Variants in SLC22A16 observed in about 807,000 individuals in gnomAD.
The protein encoded by SLC22A16 is WUGSC:RG331P03.1.
In SLC22A16, 53 loss-of-function variants were observed where a neutral mutation model predicts 52.9. That is an observed-to-expected ratio of 1.00 (90% confidence interval 0.80 to 1.26). SLC22A16 has a LOEUF of 1.26. Ranked by LOEUF, SLC22A16 falls within the 50% of genes most tolerant of loss-of-function variation. The probability of loss-of-function intolerance (pLI) is 0.00; values close to 1 mark genes in which losing one functional copy is unlikely to be tolerated. For missense variants in SLC22A16, 726 were observed against 704.0 expected, an observed-to-expected ratio of 1.03 and a Z score of -0.35; for synonymous variants, 291 against 268.8, an observed-to-expected ratio of 1.08 and a Z score of -0.81.
At position 110,469,352 on chromosome 6, in the gene SLC22A16, C is replaced by T. The variant is rs148650449; in HGVS notation, c.53+7170G>A. 2.4e-3 allele frequency among the ~76,000 whole-genome samples: 371 copies of T among 152,170 alleles called. 1 individual carries two copies. The highest frequency in any genetic ancestry group is 8.5e-3 in the African/African-American group (353 of 41,514). On this transcript the variant is annotated intron_variant, in intron 1 of 7. Transcript: ENST00000368919. Reference sequence around the variant, plus strand: ...CCAGCCTTGAACTCCTGGTGAAACCCCATCTCTACTATAAATGGTGAAACT... The same window carrying T: ...CCAGCCTTGAACTCCTGGTGAAACCTCATCTCTACTATAAATGGTGAAACT...
intron 5 of SLC22A16, among the ~76,000 whole-genome samples, chr6:110,436,705 A>T (rs1774745574): frequency 6.6e-6 from 1 of 152,196 alleles, no homozygotes; most frequent in African/African-American, 2.4e-5. Flanking sequence ...TGGCTTATAA[A>T]TTATCTTCAG....
intron 1 of SLC22A16, among the ~76,000 whole-genome samples, chr6:110,471,067 C>T (rs990334192): frequency 6.6e-6 from 1 of 152,186 alleles, no homozygotes; most frequent in African/African-American, 2.4e-5. Context: ...CAGCGAAATG[C>T]ATACACAGGT....
chr6:110,468,946 C>T (rs573843655), intron 1 of SLC22A16, among the ~76,000 whole-genome samples: 25 of 152,280 alleles, frequency 1.6e-4, no homozygotes, highest in African/African-American at 5.1e-4. Context: ...GAGCACCTAG[C>T]ATGGCTGGTG....
chr6:110,425,883 C>T (rs1238849588), intron 7 of SLC22A16, among the ~76,000 whole-genome samples: 3 of 152,200 alleles, frequency 2.0e-5, no homozygotes, highest in Non-Finnish European at 4.4e-5. Context: ...ACAATCTGTC[C>T]TTACTTAATT....
At chr6:110,461,547 C>T (rs1353876794) in intron 1 of SLC22A16, among the ~76,000 whole-genome samples, 1 of 151,738 alleles carries the variant, frequency 6.6e-6, no homozygotes, top group African/African-American at 2.4e-5. Flanking sequence ...TGAACTGCAT[C>T]ATCAAACAAA....
At chr6:110,445,202 T>C (rs564117585) in intron 3 of SLC22A16, among the ~76,000 whole-genome samples, 6 of 152,250 alleles carry the variant, frequency 3.9e-5, no homozygotes, top group Admixed American at 3.9e-4. Context: ...CCCTTCAGCC[T>C]CATCAATGCG....
intron 3 of SLC22A16, 71 bp downstream of exon 3, chr6:110,446,802 C>T: frequency 7.3e-7 from 1 of 1,363,968 alleles, no homozygotes; most frequent in South Asian, 1.3e-5. Context: ...CTTAAATGAG[C>T]AAAATGATGA....
Position 110,442,229 on chromosome 6 carries a change from A to G in SLC22A16, c.1183+15T>C, listed in dbSNP as rs376338189. 27 of 1,606,726 alleles carry G rather than the reference A, an allele frequency of 1.7e-5. No individual in the cohort carries two copies. In the African/African-American group the frequency reaches 2.9e-4, roughly 18 times the overall value. ...TCACTTCACTGCCAAATTTAAATATACTGTAACTACTTACCCAGGAGGAAG... is the reference window on the plus strand; with the variant it reads ...TCACTTCACTGCCAAATTTAAATATGCTGTAACTACTTACCCAGGAGGAAG... On this transcript the variant is annotated intron_variant, in intron 4 of 7. Transcript: ENST00000368919.
chr6:110,448,082 C>T (rs894319070), intron 2 of SLC22A16, among the ~76,000 whole-genome samples: 1 of 152,214 alleles, frequency 6.6e-6, no homozygotes. Flanking sequence ...AACTGGTTTC[C>T]AAGATGGCCG....
intron 4 of SLC22A16, among the ~76,000 whole-genome samples, chr6:110,441,852 C>T (rs1485364122): frequency 6.6e-6 from 1 of 152,166 alleles, no homozygotes; most frequent in Non-Finnish European, 1.5e-5. Context: ...CTGTACGCGG[C>T]ACCCATTTTT....
intron 1 of SLC22A16, among the ~76,000 whole-genome samples, chr6:110,466,015 C>A (rs1776046993): frequency 6.6e-6 from 1 of 151,882 alleles, no homozygotes; most frequent in African/African-American, 2.4e-5. Flanking sequence ...TCAACAAAAT[C>A]AACAAAAATA....
At chr6:110,463,129 T>A (rs1379890017) in intron 1 of SLC22A16, among the ~76,000 whole-genome samples, 5 of 152,066 alleles carry the variant, frequency 3.3e-5, no homozygotes, top group Admixed American at 6.6e-5. Context: ...AAAGAAGTTA[T>A]AACCATGGAA....
chr6:110,434,085 CA>C (rs1411514055), intron 6 of SLC22A16, among the ~76,000 whole-genome samples: 1 of 151,874 alleles, frequency 6.6e-6, no homozygotes, highest in East Asian at 1.9e-4. Flanking sequence ...TACTAAAATA[CA>C]AAAATTAGCC....
At chr6:110,466,004 G>A (rs749468347) in intron 1 of SLC22A16, among the ~76,000 whole-genome samples, 10 of 151,832 alleles carry the variant, frequency 6.6e-5, no homozygotes, top group Non-Finnish European at 1.2e-4. Context: ...CCAACTGATC[G>A]TCAACAAAAT....
At chr6:110,476,450 C>A (rs1776483536) in intron 1 of SLC22A16, 72 bp downstream of exon 1, 4 of 1,434,124 alleles carry the variant, frequency 2.8e-6, no homozygotes, top group Non-Finnish European at 3.7e-6. Context: ...CGCGAGAACC[C>A]CGCCGCAACG....
chr6:110,470,963 C>T (rs1741734308), intron 1 of SLC22A16, among the ~76,000 whole-genome samples: 1 of 152,132 alleles, frequency 6.6e-6, no homozygotes, highest in African/African-American at 2.4e-5. Flanking sequence ...CAATAAACAG[C>T]TTGTGAGGGT....
intron 2 of SLC22A16, among the ~76,000 whole-genome samples, chr6:110,447,875 C>T (rs529236285): frequency 8.5e-5 from 13 of 152,300 alleles, no homozygotes; most frequent in Admixed American, 3.9e-4. Context: ...CACCATTATA[C>T]GGATAAACCA....
chr6:110,445,129 T>C (rs897101565), intron 3 of SLC22A16, among the ~76,000 whole-genome samples: 1 of 152,134 alleles, frequency 6.6e-6, no homozygotes, highest in African/African-American at 2.4e-5. Context: ...TGGATTGCCA[T>C]TGCCTTTAGG....
rs761690633 is a variant in SLC22A16 at position 110,442,758 on chromosome 6, A to G, written c.669T>C (p.Leu223=). The part of the protein sequence containing the change: ...FFLAMVASGY[L]VVGFVYVMEF... ...CCATCACATAGACAAACCCCACCAC[A>G]AGATAGCCACTTGCAACCTGAAAAA... The change falls in exon 4 of 8, where the codon CTT becomes CTC. Residue 223 remains leucine, a synonymous_variant. Coordinates refer to ENST00000368919, the MANE Select transcript of SLC22A16 (RefSeq NM_033125.4). The G allele has an allele frequency of 3.1e-5, 50 of 1,612,358 alleles. No individual in the cohort carries two copies. The highest frequency in any genetic ancestry group is 4.1e-5 in the Non-Finnish European group (48 of 1,179,380).
Sources: gnomAD v4.1 joint callset for allele counts (sites outside exome capture counted in the v4.1 genomes callset) on GRCh38, gnomAD v4.1.1 for gene constraint, MANE v1.5 for transcripts, NCBI Gene and HGNC (gene_info 2026-07-23, HGNC 2026-07-21) for gene names.